The following PPARGC1A variants were observed in gnomAD, a reference collection of about 807,000 sequenced individuals.
PPARGC1A encodes the protein PPARG coactivator 1 alpha, also known as peroxisome proliferator-activated receptor gamma coactivator 1-alpha.
A neutral mutation model predicts 88.7 loss-of-function variants in PPARGC1A; 25 were observed. That is an observed-to-expected ratio of 0.28 (90% confidence interval 0.21 to 0.39). The LOEUF is 0.39. PPARGC1A is among the 10% of genes least tolerant of loss of function. The pLI is 1.00. For missense variants in PPARGC1A, 880 were observed against 968.7 expected, an observed-to-expected ratio of 0.91 and a Z score of 1.22; for synonymous variants, 363 against 355.6, an observed-to-expected ratio of 1.02 and a Z score of -0.24.
chr4:24,324,143 G>A, the PPARGC1A span, among the ~76,000 whole-genome samples: 5 of 152,188 alleles, frequency 3.3e-5, no homozygotes, highest in East Asian at 1.9e-4. Context: ...ACGCAGGGAC[G>A]CCTGCCTTGG....
In PPARGC1A at chr4:23,884,951, A is replaced by C; in HGVS notation, c.55-20T>G. On this transcript the variant is annotated intron_variant, in intron 1 of 12. Coordinates refer to ENST00000264867, the MANE Select transcript of PPARGC1A (RefSeq NM_013261.5). ...AGCACACTGCAGGAGGCAGAAAAAA[A>C]AAATTTAAAAAAGCTTCCATTAACC... The C allele has an allele frequency of 1.3e-6, 2 of 1,526,742 alleles. No individual in the cohort carries two copies. The highest frequency in any genetic ancestry group is 1.8e-6 in the Non-Finnish European group (2 of 1,136,402). The allele number at this position is 1,526,742 out of a possible 1,614,324, so 94.6% of individuals were successfully genotyped here.
chr4:24,213,183 T>G, the PPARGC1A span, among the ~76,000 whole-genome samples: 1 of 97,622 alleles, frequency 1.0e-5, no homozygotes, highest in African/African-American at 3.3e-5. Flanking sequence ...TTTTTTTTTT[T>G]TGAGACAGAG....
chr4:24,440,904 G>A, the PPARGC1A span, among the ~76,000 whole-genome samples: 4 of 152,102 alleles, frequency 2.6e-5, no homozygotes, highest in African/African-American at 9.7e-5. Context: ...CAGCCAACCT[G>A]GAATCTGCTT....
chr4:23,945,128 G>GTC, the PPARGC1A span, among the ~76,000 whole-genome samples: 86 of 149,864 alleles, frequency 5.7e-4, 1 homozygote, highest in Non-Finnish European at 1.1e-3. Flanking sequence ...CTCTGTCTCT[G>GTC]TCTCTCTCTC....
chr4:24,187,224 C>T, the PPARGC1A span, among the ~76,000 whole-genome samples: 4 of 152,204 alleles, frequency 2.6e-5, no homozygotes, highest in Non-Finnish European at 5.9e-5. Flanking sequence ...GTTTATTGAG[C>T]ACGCTCTGTG....
At chr4:24,198,511 G>A in the PPARGC1A span, among the ~76,000 whole-genome samples, 1 of 152,124 alleles carries the variant, frequency 6.6e-6, no homozygotes, top group South Asian at 2.1e-4. Flanking sequence ...TAGACTTGCC[G>A]TTCCTTCTCT....
chr4:23,976,403 G>C, the PPARGC1A span, among the ~76,000 whole-genome samples: 2 of 152,176 alleles, frequency 1.3e-5, no homozygotes, highest in African/African-American at 4.8e-5. Flanking sequence ...TTCACAAAGA[G>C]ATCCCTCTTG....
chr4:23,925,566 A>T, the PPARGC1A span, among the ~76,000 whole-genome samples: 2 of 152,208 alleles, frequency 1.3e-5, no homozygotes, highest in African/African-American at 4.8e-5. Flanking sequence ...TCATAAAAGG[A>T]TGTGAAAAGC....
At chr4:24,164,917 T>C in the PPARGC1A span, among the ~76,000 whole-genome samples, 1 of 152,134 alleles carries the variant, frequency 6.6e-6, no homozygotes, top group Non-Finnish European at 1.5e-5. Context: ...GCAGAGCAAG[T>C]GCACTATTTT....
At chr4:24,001,899 T>A in the PPARGC1A span, among the ~76,000 whole-genome samples, 1 of 152,068 alleles carries the variant, frequency 6.6e-6, no homozygotes, top group African/African-American at 2.4e-5. Flanking sequence ...AGAGATATAA[T>A]GAGTCTATTA....
chr4:23,877,468 G>A (rs959628294), intron 2 of PPARGC1A, among the ~76,000 whole-genome samples: 2 of 149,570 alleles, frequency 1.3e-5, no homozygotes, highest in African/African-American at 2.5e-5. Flanking sequence ...AACCCAGGAG[G>A]GGGAGGTTGC....
At chr4:23,951,167 T>A in the PPARGC1A span, among the ~76,000 whole-genome samples, 93 of 152,164 alleles carry the variant, frequency 6.1e-4, no homozygotes, top group African/African-American at 2.1e-3. Context: ...AACACACGGA[T>A]TTTGATGTAT....
chr4:24,380,531 G>T, the PPARGC1A span, among the ~76,000 whole-genome samples: 1 of 150,048 alleles, frequency 6.7e-6, no homozygotes, highest in Non-Finnish European at 1.5e-5. Flanking sequence ...GCATGGAGAG[G>T]TTAGATCAAG....
At chr4:24,002,071 C>T in the PPARGC1A span, among the ~76,000 whole-genome samples, 2 of 100,418 alleles carry the variant, frequency 2.0e-5, no homozygotes, top group Admixed American at 1.2e-4. Context: ...GATAAATTCA[C>T]ACACACACAC....
chr4:23,919,720 T>C, the PPARGC1A span, among the ~76,000 whole-genome samples: 6 of 151,970 alleles, frequency 3.9e-5, no homozygotes, highest in Non-Finnish European at 7.3e-5. Context: ...TGATGGCCCT[T>C]ACACTAATTG....
chr4:24,049,881 C>A, the PPARGC1A span, among the ~76,000 whole-genome samples: 9 of 152,122 alleles, frequency 5.9e-5, no homozygotes, highest in Middle Eastern at 3.2e-3. Context: ...CAGGTGTATT[C>A]TCTTGCTGAG....
At chr4:24,272,021 G>A in the PPARGC1A span, among the ~76,000 whole-genome samples, 2 of 152,132 alleles carry the variant, frequency 1.3e-5, no homozygotes, top group African/African-American at 4.8e-5. Context: ...GAGGTGTGCT[G>A]ACTGTTAGCT....
the PPARGC1A span, among the ~76,000 whole-genome samples, chr4:24,032,822 GC>G: frequency 2.6e-5 from 4 of 152,178 alleles, no homozygotes; most frequent in Admixed American, 2.6e-4. Flanking sequence ...TATCCTCTGA[GC>G]CCAGCACAGA....
the PPARGC1A span, among the ~76,000 whole-genome samples, chr4:24,102,228 T>C: frequency 6.6e-6 from 1 of 152,232 alleles, no homozygotes; most frequent in Non-Finnish European, 1.5e-5. Context: ...GTTTCTAAAA[T>C]GTTTCACTTC....
Sources: allele counts gnomAD v4.1 joint callset (sites outside exome capture counted in the v4.1 genomes callset), GRCh38; gene constraint gnomAD v4.1.1; transcripts MANE v1.5; gene names NCBI Gene and HGNC (gene_info 2026-07-23, HGNC 2026-07-21).